MARK2: variants seen among roughly 807,000 people sequenced by gnomAD.
The protein encoded by MARK2 is serine/threonine-protein kinase MARK2.
In MARK2, 16 loss-of-function variants were observed where a neutral mutation model predicts 89.8. The ratio of observed to expected loss-of-function variants is 0.18; its 90% CI spans 0.12 to 0.27. The LOEUF (loss-of-function observed/expected upper bound fraction) is 0.27. Among genes scored for constraint, MARK2 ranks in the 10% least tolerant of loss-of-function variants. The pLI is 1.00. For missense variants in MARK2, 621 were observed against 1,049.9 expected (o/e 0.59, Z 5.65); for synonymous variants, 382 against 399.5 (o/e 0.96, Z 0.52).
intron 1 of MARK2, among the ~76,000 whole-genome samples, chr11:63,845,140 C>T (rs900313246): frequency 2.0e-5 from 3 of 152,180 alleles, no homozygotes; most frequent in Admixed American, 6.5e-5. Context: ...CATCTTCCTT[C>T]CCTGAGACTG....
chr11:63,846,013 G>A (rs574925719), intron 1 of MARK2, among the ~76,000 whole-genome samples: 181 of 151,712 alleles, frequency 1.2e-3, no homozygotes, highest in Non-Finnish European at 2.3e-3. Flanking sequence ...GTGAGCCACC[G>A]CGCCCGGCAT....
At position 63,902,646 on chromosome 11, in the gene MARK2, C is replaced by T; in HGVS notation, c.1280C>T (p.Thr427Ile). The change falls in exon 13 of 19, where the codon ACT (threonine) becomes ATT (isoleucine). Residue 427 changes from threonine (T) to isoleucine (I), a missense_variant. Transcript: ENST00000402010. This position sits in a 1 kb window ranked among gnomAD's most constrained non-coding sequence, Gnocchi z 4.2. ...ACCTCTAATTCTTACTCTAAGAAGA[C>T]TCAGAGTAACAACGCAGAAAATAAG... is the stretch of plus-strand genomic sequence containing the variant. ...IPTSNSYSKK[T>I]QSNNAENKRP... is the part of the protein sequence containing the mutation. 6.2e-7 allele frequency: 1 copy of T among 1,614,154 alleles called. No homozygotes were observed. Among genetic ancestry groups the T allele is most frequent in the South Asian group, 1.1e-5 (1 of 91,090 alleles).
chr11:63,859,538 C>A (rs932962123), intron 1 of MARK2, among the ~76,000 whole-genome samples: 1 of 152,026 alleles, frequency 6.6e-6, no homozygotes, highest in East Asian at 1.9e-4. Flanking sequence ...CCAGGCTGGT[C>A]TTGAATTCCT....
At position 63,902,876 on chromosome 11, in the gene MARK2, GCTA is replaced by G; in HGVS notation, c.1416+100_1416+102del. ...CTTAATTCAGACTCTGTTCCCTTTG[GCTA>G]CTACTTCTGCTTATAGCAGGAAGCC... On this transcript the variant is annotated intron_variant, in intron 13 of 18. Coordinates refer to ENST00000402010, the MANE Select transcript of MARK2 (RefSeq NM_001039469.3). The surrounding 1 kb of genome is among the most constrained non-coding windows in gnomAD (Gnocchi z 4.2). 1 of 1,193,420 alleles carries G rather than the reference GCTA, an allele frequency of 8.4e-7. No individual in the cohort carries two copies. Among genetic ancestry groups the G allele is most frequent in the Non-Finnish European group, 1.2e-6 (1 of 823,240 alleles). 73.9% of individuals were successfully genotyped at this position (1,193,420 alleles called of 1,614,324 possible).
chr11:63,876,858 C>T (rs1444784675), intron 1 of MARK2, among the ~76,000 whole-genome samples: 3 of 152,180 alleles, frequency 2.0e-5, no homozygotes, highest in African/African-American at 7.2e-5. Flanking sequence ...CCCCCTTCCT[C>T]CCAGCCACTT....
rs2134215415 is a variant in MARK2, at chr11:63,900,259, T to G, written c.768+149T>G. The stretch of plus-strand genomic sequence containing the variant: ...GCTGAGGTAGCAGCAGTCAAAGGCC[T>G]TCTGCACCTGGGAATGAATAACCTC... On this transcript the variant is annotated intron_variant, in intron 8 of 18. Transcript: ENST00000402010. The surrounding 1 kb of genome is among the most constrained non-coding windows in gnomAD (Gnocchi z 4.7). 1.4e-6 allele frequency: 1 copy of G among 712,424 alleles called. No individual in the cohort carries two copies. Among genetic ancestry groups the G allele is most frequent in the East Asian group, 2.5e-5 (1 of 40,680 alleles). The allele number at this position is 712,424 out of a possible 1,614,324, so 44.1% of individuals were successfully genotyped here.
Position 63,864,702 on chromosome 11 carries a change from C to T in MARK2, c.54+25142C>T, listed in dbSNP as rs117757313. Among the ~76,000 whole-genome samples, 771 of 151,258 alleles carry T rather than the reference C, an allele frequency of 5.1e-3. 36 individuals are homozygous for T. In the East Asian group the frequency reaches 0.13, roughly 26 times the overall value. ...GTGAGCCACTGTGCCTGCTCTGTTG[C>T]CCTTGATTAAGGTATCACTTAGGGC... On this transcript the variant is annotated intron_variant, in intron 1 of 18. Coordinates refer to ENST00000402010, the MANE Select transcript of MARK2 (RefSeq NM_001039469.3).
At chr11:63,839,637 C>T in intron 1 of MARK2, 77 bp downstream of exon 1, 1 of 920,582 alleles carries the variant, frequency 1.1e-6, no homozygotes, top group Non-Finnish European at 1.7e-6. Flanking sequence ...CTCTTCTGCT[C>T]TCCTCGTGCC....
At chr11:63,898,329 G>C (rs748477266) in intron 4 of MARK2, 49 bp downstream of exon 4, 3 of 1,548,376 alleles carry the variant, frequency 1.9e-6, no homozygotes, top group Non-Finnish European at 2.7e-6. Flanking sequence ...GCAAGGCACT[G>C]CTTTCCAGCA....
intron 3 of MARK2, among the ~76,000 whole-genome samples, chr11:63,896,963 C>G (rs1300605587): frequency 3.3e-5 from 5 of 152,162 alleles, no homozygotes; most frequent in Non-Finnish European, 5.9e-5. Context: ...TCCTGACTCT[C>G]TGGAAGGCAC....
At chr11:63,858,363 G>T (rs957872667) in intron 1 of MARK2, among the ~76,000 whole-genome samples, 3 of 149,602 alleles carry the variant, frequency 2.0e-5, no homozygotes, top group African/African-American at 7.4e-5. Flanking sequence ...TTTCTCAGTT[G>T]TAATTTTTTT....
chr11:63,877,251 C>T (rs949904797), intron 1 of MARK2, among the ~76,000 whole-genome samples: 2 of 151,608 alleles, frequency 1.3e-5, no homozygotes, highest in Non-Finnish European at 2.9e-5. Flanking sequence ...CCTGGGACTA[C>T]AGGTGCCCAC....
chr11:63,850,923 C>G (rs917895340), intron 1 of MARK2, among the ~76,000 whole-genome samples: 1 of 152,156 alleles, frequency 6.6e-6, no homozygotes, highest in African/African-American at 2.4e-5. Context: ...ATTGGCCTCC[C>G]CAAGTGCTGG....
intron 1 of MARK2, among the ~76,000 whole-genome samples, chr11:63,843,588 C>A (rs928564884): frequency 2.0e-5 from 3 of 152,044 alleles, no homozygotes; most frequent in Non-Finnish European, 4.4e-5. Flanking sequence ...TCACTGGACC[C>A]CCATTGTTGA....
chr11:63,888,738 C>G (rs2135307765), intron 1 of MARK2: 1 of 1,199,646 alleles, frequency 8.3e-7, no homozygotes, highest in African/African-American at 1.6e-5. Flanking sequence ...CGTCCAGGTT[C>G]CCAGGCAGGA....
intron 1 of MARK2, among the ~76,000 whole-genome samples, chr11:63,869,641 G>T (rs1201603733): frequency 6.6e-6 from 1 of 152,148 alleles, no homozygotes; most frequent in Non-Finnish European, 1.5e-5. Flanking sequence ...TCTGAGGTGT[G>T]CTACTGCTTA....
rs371964980 is a variant in MARK2 at position 63,902,763 on chromosome 11, C to A, written c.1397C>A (p.Thr466Asn). Residue 466 changes from threonine (T) to asparagine (N), a missense_variant, in exon 13 of 19, where the codon ACC (threonine) becomes AAC (asparagine). Thr to Asn is a moderately conservative substitution (Grantham distance 65). Coordinates refer to ENST00000402010, the MANE Select transcript of MARK2 (RefSeq NM_001039469.3). This position sits in a 1 kb window ranked among gnomAD's most constrained non-coding sequence, Gnocchi z 4.2. Reference sequence around the variant, plus strand: ...CTGCCCGGTCTGGAGAGGAAGAAGACCACCCCAACCCCCTCCACGGTGAGC... The same window carrying A: ...CTGCCCGGTCTGGAGAGGAAGAAGAACACCCCAACCCCCTCCACGGTGAGC... ...SPLPGLERKK[T>N]TPTPSTNSVL... 2 of 1,612,412 alleles carry A rather than the reference C, an allele frequency of 1.2e-6. No homozygotes were observed. The highest frequency in any genetic ancestry group is 1.7e-6 in the Non-Finnish European group (2 of 1,179,488).
At chr11:63,850,035 T>C (rs1251005798) in intron 1 of MARK2, 1 of 152,026 alleles carries the variant, frequency 6.6e-6, no homozygotes, top group Non-Finnish European at 1.5e-5. Context: ...TCTAGGTCAG[T>C]ATAAGGGGTG....
chr11:63,863,836 A>G (rs1937965108), intron 1 of MARK2, among the ~76,000 whole-genome samples: 1 of 151,744 alleles, frequency 6.6e-6, no homozygotes, highest in Non-Finnish European at 1.5e-5. Context: ...GTAGTGGCCC[A>G]AACATGGCTC....
Sources: allele counts gnomAD v4.1 joint callset (sites outside exome capture counted in the v4.1 genomes callset), GRCh38; gene constraint gnomAD v4.1.1; non-coding constraint Gnocchi (gnomAD v3.1); transcripts MANE v1.5; gene names NCBI Gene and HGNC (gene_info 2026-07-23, HGNC 2026-07-21).